The following INSL6 variants were observed in gnomAD, a reference collection of about 807,000 sequenced individuals.
INSL6 encodes the protein insulin like 6.
A neutral mutation model predicts 9.4 loss-of-function variants in INSL6; 16 were observed. The ratio of observed to expected loss-of-function variants is 1.70; its 90% CI spans 1.15 to 2.59. The LOEUF (loss-of-function observed/expected upper bound fraction) is 2.59. INSL6 is among the 30% of genes most tolerant of loss of function. The pLI, the probability that INSL6 is intolerant of heterozygous loss-of-function variation, is 0.00. For missense variants in INSL6, 391 were observed against 257.3 expected (o/e 1.52, Z -3.56); for synonymous variants, 154 against 96.9 (o/e 1.59, Z -3.46).
At chr9:5,173,238 A>G (rs1825221727) in intron 1 of INSL6, among the ~76,000 whole-genome samples, 1 of 152,156 alleles carries the variant, frequency 6.6e-6, no homozygotes, top group Non-Finnish European at 1.5e-5. Context: ...AACCAGAAAT[A>G]CCATTTGACC....
At chr9:5,119,164 T>C (rs1823428617), downstream of INSL6, among the ~76,000 whole-genome samples, 1 of 152,150 alleles carries the variant, frequency 6.6e-6, no homozygotes, top group African/African-American at 2.4e-5. Flanking sequence ...ATACAACCCA[T>C]TTGGTAATGC....
chr9:5,090,811 G>A, the INSL6 span: 10 of 1,613,386 alleles, frequency 6.2e-6, no homozygotes, highest in East Asian at 4.5e-5. Context: ...GGTGGAGAAC[G>A]AGAACAGAGT....
At chr9:5,170,563 T>C (rs2130911503) in intron 1 of INSL6, among the ~76,000 whole-genome samples, 1 of 151,122 alleles carries the variant, frequency 6.6e-6, no homozygotes, top group South Asian at 2.1e-4. Flanking sequence ...GGGCTTTTTT[T>C]TTTTTTGGAA....
At chr9:4,994,396 C>A in the INSL6 span, among the ~76,000 whole-genome samples, 1 of 152,168 alleles carries the variant, frequency 6.6e-6, no homozygotes, top group Non-Finnish European at 1.5e-5. Context: ...CGCTGGGCCC[C>A]ACCCCCAGAG....
intron 2 of INSL6, among the ~76,000 whole-genome samples, chr9:5,157,188 T>C (rs969130896): frequency 2.0e-5 from 3 of 152,184 alleles, no homozygotes; most frequent in Non-Finnish European, 4.4e-5. Context: ...AATTGATCTG[T>C]AGATTCAATG....
chr9:5,064,987 A>G, the INSL6 span: 1 of 1,611,150 alleles, frequency 6.2e-7, no homozygotes. Context: ...GTAAAGAAGT[A>G]GCACCTCCAG....
At chr9:5,021,880 G>A in the INSL6 span, 36 of 721,232 alleles carry the variant, frequency 5.0e-5, no homozygotes, top group African/African-American at 4.8e-4. Flanking sequence ...CTATCTGCCC[G>A]CCTCGGCCCC....
At chr9:5,085,952 G>C in the INSL6 span, 2 of 1,120,748 alleles carry the variant, frequency 1.8e-6, no homozygotes, top group African/African-American at 1.5e-5. Flanking sequence ...TGAAAGGATC[G>C]GTGTATTTCT....
At chr9:5,181,206 A>G (rs1421805246) in intron 1 of INSL6, among the ~76,000 whole-genome samples, 1 of 152,214 alleles carries the variant, frequency 6.6e-6, no homozygotes, top group Non-Finnish European at 1.5e-5. Flanking sequence ...TATATATGAA[A>G]GAATAAAGGT....
chr9:5,074,246 T>G, the INSL6 span, among the ~76,000 whole-genome samples: 1 of 152,154 alleles, frequency 6.6e-6, no homozygotes, highest in Non-Finnish European at 1.5e-5. Flanking sequence ...CAGAAACTAC[T>G]AAAAGTATAA....
the INSL6 span, among the ~76,000 whole-genome samples, chr9:5,001,824 G>A: frequency 1.3e-5 from 2 of 152,038 alleles, no homozygotes; most frequent in South Asian, 2.1e-4. Context: ...TTGTGGGTAT[G>A]TTTTTAATGA....
chr9:4,996,928 CTTTTTTT>C, the INSL6 span, among the ~76,000 whole-genome samples: 2 of 94,708 alleles, frequency 2.1e-5, no homozygotes, highest in Non-Finnish European at 4.1e-5. Flanking sequence ...TTAGTTTGTT[CTTTTTTT>C]TTTTTTTTTT....
At chr9:5,076,239 G>T in the INSL6 span, among the ~76,000 whole-genome samples, 1 of 152,346 alleles carries the variant, frequency 6.6e-6, no homozygotes, top group Admixed American at 6.5e-5. Flanking sequence ...TGATCAAGCA[G>T]TTGCAGGGTT....
downstream of INSL6, among the ~76,000 whole-genome samples, chr9:5,163,425 T>C (rs1824969835): frequency 6.6e-6 from 1 of 152,196 alleles, no homozygotes; most frequent in South Asian, 2.1e-4. Flanking sequence ...ACTACTATAA[T>C]AAAACTCAAG....
At chr9:5,072,465 C>G in the INSL6 span, 38 of 1,490,730 alleles carry the variant, frequency 2.5e-5, no homozygotes, top group Admixed American at 4.4e-4. Context: ...TTTACTCATT[C>G]TTTTCTTTTA....
At chr9:5,068,726 G>C in the INSL6 span, among the ~76,000 whole-genome samples, 1 of 152,140 alleles carries the variant, frequency 6.6e-6, no homozygotes, top group Non-Finnish European at 1.5e-5. Flanking sequence ...TTTGTTTTAG[G>C]CTTTATCTTA....
the INSL6 span, among the ~76,000 whole-genome samples, chr9:5,012,683 A>C: frequency 4.7e-4 from 71 of 152,334 alleles, no homozygotes; most frequent in African/African-American, 1.6e-3. Context: ...GGATTTTTCT[A>C]CCTGCTAAGA....
chr9:5,156,850 T>C (rs535044513), intron 2 of INSL6, among the ~76,000 whole-genome samples: 59 of 152,028 alleles, frequency 3.9e-4, no homozygotes, highest in African/African-American at 1.4e-3. Context: ...AAACACATAC[T>C]AGCAACAATG....
At chr9:5,131,622 T>C (rs1165892906) in intron 3 of INSL6, among the ~76,000 whole-genome samples, 3 of 151,940 alleles carry the variant, frequency 2.0e-5, no homozygotes. Context: ...TATTTACTAG[T>C]AGAGACAGGG....
Sources: gnomAD v4.1 joint callset for allele counts (sites outside exome capture counted in the v4.1 genomes callset) on GRCh38, gnomAD v4.1.1 for gene constraint, MANE v1.5 for transcripts, NCBI Gene and HGNC (gene_info 2026-07-23, HGNC 2026-07-21) for gene names.